CSMD1: variants seen among roughly 807,000 people sequenced by gnomAD.
CSMD1 encodes the protein CUB and sushi domain-containing protein 1.
CSMD1 carries 213 observed loss-of-function variants against 417.5 expected under a neutral mutation model. The ratio of observed to expected loss-of-function variants is 0.51; its 90% CI spans 0.46 to 0.57. The LOEUF (loss-of-function observed/expected upper bound fraction) is 0.57, where lower values mean the gene tolerates loss of function less well. Among genes scored for constraint, CSMD1 ranks in the 20% least tolerant of loss-of-function variants. The pLI, the probability that CSMD1 is intolerant of heterozygous loss-of-function variation, is 0.00. For synonymous variants in CSMD1, 2,862 were observed against 1,736.8 expected (o/e 1.65, Z -16.11); for missense variants, 6,923 against 4,529.7 (o/e 1.53, Z -15.17).
chr8:3,982,384 G>A (rs1479262089), intron 5 of CSMD1, among the ~76,000 whole-genome samples: 1 of 151,632 alleles, frequency 6.6e-6, no homozygotes, highest in Non-Finnish European at 1.5e-5. Context: ...CTCCATGGTT[G>A]TTAGGAAAAT....
At chr8:4,467,240 A>C (rs1005682878) in intron 2 of CSMD1, among the ~76,000 whole-genome samples, 1 of 152,160 alleles carries the variant, frequency 6.6e-6, no homozygotes, top group Non-Finnish European at 1.5e-5. Flanking sequence ...CCAGGGACAC[A>C]TTCCAGCTAA....
intron 7 of CSMD1, among the ~76,000 whole-genome samples, chr8:3,694,224 G>A (rs990096750): frequency 6.6e-6 from 1 of 152,062 alleles, no homozygotes; most frequent in Non-Finnish European, 1.5e-5. Context: ...TGAAACCCAG[G>A]GAGGCCATAG....
chr8:3,938,333 G>T (rs1023605987), intron 5 of CSMD1, among the ~76,000 whole-genome samples: 5 of 152,132 alleles, frequency 3.3e-5, no homozygotes, highest in East Asian at 1.9e-4. Context: ...GAAGAAAAAA[G>T]CATATAATAC....
intron 1 of CSMD1, among the ~76,000 whole-genome samples, chr8:4,863,658 C>A (rs968926973): frequency 6.6e-5 from 10 of 151,972 alleles, no homozygotes; most frequent in African/African-American, 2.4e-4. Flanking sequence ...GCAAGAATGT[C>A]TAATTTGAAT....
chr8:4,889,791 G>T (rs928321976), intron 1 of CSMD1, among the ~76,000 whole-genome samples: 4 of 152,038 alleles, frequency 2.6e-5, no homozygotes, highest in African/African-American at 9.7e-5. Context: ...AATAGTGAGG[G>T]CCTACTATGT....
intron 23 of CSMD1, among the ~76,000 whole-genome samples, chr8:3,316,042 G>T (rs1378316075): frequency 6.6e-6 from 1 of 152,106 alleles, no homozygotes; most frequent in African/African-American, 2.4e-5. Context: ...CACTATGCAC[G>T]TATGTTCTCT....
rs183112637 is a variant in CSMD1, at chr8:3,316,176, T to C, written c.3632-7673A>G. 3.3e-4 allele frequency among the ~76,000 whole-genome samples: 50 copies of C among 152,324 alleles called. 1 individual carries two copies. Among genetic ancestry groups the C allele is most frequent in the African/African-American group, 1.9e-4 (8 of 41,574 alleles). On this transcript the variant is annotated intron_variant, in intron 23 of 69. Coordinates refer to ENST00000635120, the MANE Select transcript of CSMD1 (RefSeq NM_033225.6). ...TTTAAATACATCCAGTTGGCAAATA[T>C]TGTTCTAACTTGTACAAGGTGGTAA... is the stretch of plus-strand genomic sequence containing the variant.
intron 1 of CSMD1, among the ~76,000 whole-genome samples, chr8:4,991,798 C>A (rs1167925310): frequency 6.6e-6 from 1 of 152,260 alleles, no homozygotes; most frequent in Non-Finnish European, 1.5e-5. Flanking sequence ...GCTGGCGTCA[C>A]CAGCCCCCTT....
intron 3 of CSMD1, among the ~76,000 whole-genome samples, chr8:4,328,519 A>G (rs1461989521): frequency 6.6e-6 from 1 of 152,114 alleles, no homozygotes; most frequent in East Asian, 1.9e-4. Context: ...TTTTGGTAAT[A>G]AAGCATCTCC....
intron 2 of CSMD1, among the ~76,000 whole-genome samples, chr8:4,487,164 T>G (rs1293904040): frequency 1.3e-5 from 2 of 152,168 alleles, no homozygotes; most frequent in African/African-American, 4.8e-5. Context: ...TGATGAAGTT[T>G]CTTTCTTTTT....
intron 3 of CSMD1, among the ~76,000 whole-genome samples, chr8:4,135,070 A>C (rs1009737590): frequency 6.6e-6 from 1 of 152,120 alleles, no homozygotes; most frequent in African/African-American, 2.4e-5. Context: ...CAGTGAGTTC[A>C]CATAGAATGA....
At chr8:3,506,046 G>C (rs1563103257) in intron 10 of CSMD1, among the ~76,000 whole-genome samples, 1 of 152,150 alleles carries the variant, frequency 6.6e-6, no homozygotes, top group African/African-American at 2.4e-5. Flanking sequence ...AATGTAGAAA[G>C]GGCAACCAAG....
intron 2 of CSMD1, among the ~76,000 whole-genome samples, chr8:4,490,777 C>T (rs1407079328): frequency 2.6e-5 from 4 of 152,154 alleles, no homozygotes; most frequent in Admixed American, 6.5e-5. Context: ...TCCACTAGGT[C>T]GGGCATATTA....
At chr8:4,127,550 G>T (rs11774235) in intron 3 of CSMD1, among the ~76,000 whole-genome samples, 61,322 of 150,474 alleles carry the variant, frequency 0.41, 12,725 homozygotes, top group Non-Finnish European at 0.44. Context: ...TTCCTAGTCA[G>T]TTTTCCTTCC....
chr8:3,586,019 T>A, intron 9 of CSMD1, 117 bp downstream of exon 9: 1 of 1,043,462 alleles, frequency 9.6e-7, no homozygotes, highest in Non-Finnish European at 1.3e-6. Flanking sequence ...AAACATACAT[T>A]ACTACCGAAT....
At chr8:3,914,244 T>C (rs1303267459) in intron 5 of CSMD1, among the ~76,000 whole-genome samples, 1 of 152,112 alleles carries the variant, frequency 6.6e-6, no homozygotes, top group Non-Finnish European at 1.5e-5. Context: ...ATAGAGTAGA[T>C]AAGAGCTAGT....
At chr8:4,709,243 T>C (rs981114644) in intron 1 of CSMD1, among the ~76,000 whole-genome samples, 3 of 152,152 alleles carry the variant, frequency 2.0e-5, no homozygotes, top group Non-Finnish European at 4.4e-5. Flanking sequence ...TCTTGTAGAC[T>C]GGTGTGGGGA....
chr8:2,964,125 C>T (rs920730921), intron 59 of CSMD1, among the ~76,000 whole-genome samples: 50 of 152,320 alleles, frequency 3.3e-4, no homozygotes, highest in African/African-American at 1.1e-3. Flanking sequence ...TACACAACTT[C>T]CCTAGTTTTT....
chr8:3,910,642 TA>T (rs1394916705), intron 5 of CSMD1, among the ~76,000 whole-genome samples: 1 of 152,230 alleles, frequency 6.6e-6, no homozygotes, highest in Non-Finnish European at 1.5e-5. Flanking sequence ...TTGTGCTTAA[TA>T]AGAAAACAGA....
Sources: allele counts gnomAD v4.1 joint callset (sites outside exome capture counted in the v4.1 genomes callset), GRCh38; gene constraint gnomAD v4.1.1; transcripts MANE v1.5; gene names NCBI Gene and HGNC (gene_info 2026-07-23, HGNC 2026-07-21).